The following SH3BGRL variants were observed in gnomAD, a reference collection of about 807,000 sequenced individuals.
SH3BGRL encodes the protein SH3 domain binding glutamate rich protein like.
In SH3BGRL, 7 loss-of-function variants were observed where a neutral mutation model predicts 9.8. The ratio of observed to expected loss-of-function variants is 0.72; its 90% CI spans 0.41 to 1.35. The LOEUF (loss-of-function observed/expected upper bound fraction) is 1.35. Ranked by LOEUF, SH3BGRL falls within the 40% of genes most tolerant of loss-of-function variation. The pLI is 0.01. For synonymous variants in SH3BGRL, 36 were observed against 29.1 expected, an observed-to-expected ratio of 1.24 and a Z score of -0.76; for missense variants, 73 against 84.4, an observed-to-expected ratio of 0.86 and a Z score of 0.53.
chrX:81,275,077 T>C (rs915183669), intron 1 of SH3BGRL, among the ~76,000 whole-genome samples: 17 of 111,327 alleles, frequency 1.5e-4, no homozygotes, highest in Non-Finnish European at 2.8e-4. Flanking sequence ...CTGGCGACCA[T>C]TTTAACTTAG....
chrX:81,243,927 G>T (rs1036279971), intron 1 of SH3BGRL, among the ~76,000 whole-genome samples: 8 of 111,207 alleles, frequency 7.2e-5, no homozygotes, highest in African/African-American at 2.6e-4. Context: ...AACGAAATTT[G>T]ACTCAGAGTC....
intron 3 of SH3BGRL, among the ~76,000 whole-genome samples, chrX:81,285,330 T>C (rs2075830921): frequency 9.0e-6 from 1 of 111,512 alleles, no homozygotes; most frequent in African/African-American, 3.3e-5. Flanking sequence ...AACAAAATGA[T>C]AATAGTGCTG....
chrX:81,236,538 G>C (rs1384414960), intron 1 of SH3BGRL, among the ~76,000 whole-genome samples: 2 of 111,335 alleles, frequency 1.8e-5, no homozygotes, highest in African/African-American at 3.3e-5. Flanking sequence ...TTTTATTCAT[G>C]GGTGCTCTAG....
chrX:81,289,000 G>A (rs921715089), intron 3 of SH3BGRL, among the ~76,000 whole-genome samples: 1 of 111,841 alleles, frequency 8.9e-6, no homozygotes, highest in Non-Finnish European at 1.9e-5. Context: ...AAAACTAGAG[G>A]AATCACATTA....
intron 1 of SH3BGRL, among the ~76,000 whole-genome samples, chrX:81,240,469 A>C (rs1046080107): frequency 1.8e-5 from 2 of 112,390 alleles, no homozygotes; most frequent in African/African-American, 6.5e-5. Flanking sequence ...AATAAAATTA[A>C]ATAGCGGGGC....
At chrX:81,218,962 C>G (rs185838423) in intron 1 of SH3BGRL, among the ~76,000 whole-genome samples, 2 of 109,344 alleles carry the variant, frequency 1.8e-5, no homozygotes, top group Non-Finnish European at 3.8e-5. Context: ...TTGCAGGATA[C>G]GAAATCAACA....
chrX:81,297,493 G>A lies in SH3BGRL; in HGVS notation c.*266G>A. On this transcript the variant is annotated 3_prime_UTR_variant, in exon 4 of 4. Coordinates refer to ENST00000373212, the MANE Select transcript of SH3BGRL (RefSeq NM_003022.3). ...GTGTTGTTACCTGCCAAGCCATCCTGTATACACCAATGATTTTACAAAGAA... is the reference window on the plus strand; with the variant it reads ...GTGTTGTTACCTGCCAAGCCATCCTATATACACCAATGATTTTACAAAGAA... 4.8e-6 allele frequency: 1 copy of A among 206,283 alleles called. No homozygotes were observed. The highest frequency in any genetic ancestry group is 8.8e-6 in the Non-Finnish European group (1 of 113,367). 17.0% of individuals were successfully genotyped at this position (206,283 alleles called of 1,213,427 possible).
chrX:81,258,434 CATG>C (rs1315373931), intron 1 of SH3BGRL, among the ~76,000 whole-genome samples: 11 of 112,351 alleles, frequency 9.8e-5, no homozygotes, highest in African/African-American at 3.2e-4. Flanking sequence ...GATCAAATAA[CATG>C]AACATTTCCA....
intron 3 of SH3BGRL, among the ~76,000 whole-genome samples, chrX:81,286,893 A>G (rs1183852109): frequency 9.0e-6 from 1 of 111,609 alleles, no homozygotes. Context: ...AGATAAATTC[A>G]CATATTTGAT....
chrX:81,295,094 A>T (rs781057585), intron 3 of SH3BGRL, among the ~76,000 whole-genome samples: 2 of 111,970 alleles, frequency 1.8e-5, no homozygotes, highest in Non-Finnish European at 3.8e-5. Context: ...CTTGTTTCAG[A>T]TGAGACTTCA....
intron 1 of SH3BGRL, among the ~76,000 whole-genome samples, chrX:81,262,731 G>A (rs1430474344): frequency 8.9e-6 from 1 of 112,191 alleles, no homozygotes; most frequent in Admixed American, 9.4e-5. Flanking sequence ...AACTGGGTGA[G>A]TGATATATGG....
At chrX:81,227,953 T>C (rs1004921069) in intron 1 of SH3BGRL, among the ~76,000 whole-genome samples, 13 of 111,982 alleles carry the variant, frequency 1.2e-4, no homozygotes, top group Non-Finnish European at 1.9e-4. Flanking sequence ...TCTCATATAT[T>C]GCAGTTTGTA....
At chrX:81,261,254 T>A (rs1194626675) in intron 1 of SH3BGRL, among the ~76,000 whole-genome samples, 1 of 111,463 alleles carries the variant, frequency 9.0e-6, no homozygotes, top group Non-Finnish European at 1.9e-5. Flanking sequence ...TGAATCTCAG[T>A]ATTCTAGTCT....
In SH3BGRL at chrX:81,260,360, T is replaced by C. The variant is rs2075737475; in HGVS notation, c.46-16624T>C. 2.7e-5 allele frequency among the ~76,000 whole-genome samples: 3 copies of C among 111,459 alleles called. No individual in the cohort carries two copies. The Admixed American group carries it at 2.9e-4, about 11-fold the overall frequency. The stretch of plus-strand genomic sequence containing the variant: ...TGTCTCTTTATCTATGAATTTGGAA[T>C]GAAAATAATAACAGCTGTCTCATAA... On this transcript the variant is annotated intron_variant, in intron 1 of 3. Transcript: ENST00000373212.
chrX:81,209,610 G>A (rs1461341381), intron 1 of SH3BGRL, among the ~76,000 whole-genome samples: 2 of 111,232 alleles, frequency 1.8e-5, no homozygotes, highest in Non-Finnish European at 3.8e-5. Flanking sequence ...CACATCCTCT[G>A]TTTATAGGTA....
chrX:81,259,652 G>A (rs773440892), intron 1 of SH3BGRL, among the ~76,000 whole-genome samples: 5 of 112,023 alleles, frequency 4.5e-5, no homozygotes, highest in Non-Finnish European at 9.4e-5. Context: ...GATTGTGACA[G>A]TGTGATTTGT....
chrX:81,297,298 C>A lies in SH3BGRL; in HGVS notation c.*71C>A. The stretch of plus-strand genomic sequence containing the variant: ...TGCTTTTATAAAATAGCAGAATTAG[C>A]TTTGCTTCAAAAGAAATAGGCTTAA... On this transcript the variant is annotated 3_prime_UTR_variant, in exon 4 of 4. Transcript: ENST00000373212. 1.1e-6 allele frequency: 1 copy of A among 887,811 alleles called. No homozygotes were observed. Among genetic ancestry groups the A allele is most frequent in the Non-Finnish European group, 1.6e-6 (1 of 624,371 alleles). 73.2% of individuals were successfully genotyped at this position (887,811 alleles called of 1,213,427 possible). A position where few individuals can be genotyped will look rare whatever the true frequency, so the allele number is the denominator to read the frequency against.
At chrX:81,243,051 A>G (rs2075676202) in intron 1 of SH3BGRL, among the ~76,000 whole-genome samples, 1 of 112,196 alleles carries the variant, frequency 8.9e-6, no homozygotes, top group African/African-American at 3.2e-5. Context: ...TACCCCAAAG[A>G]AAGGAAATCA....
chrX:81,276,964 T>C lies in SH3BGRL; in HGVS notation c.46-20T>C, dbSNP rs1382030962. 8.4e-7 allele frequency: 1 copy of C among 1,186,256 alleles called. No individual in the cohort carries two copies. Among genetic ancestry groups the C allele is most frequent in the Non-Finnish European group, 1.1e-6 (1 of 882,608 alleles). ...TTTTGTTGAATTTGGAAAATACGGT[T>C]TCTTGTCCTTTGGTCCTAGATTAAG... On this transcript the variant is annotated intron_variant, in intron 1 of 3. Transcript: ENST00000373212.
Sources: allele counts gnomAD v4.1 joint callset (sites outside exome capture counted in the v4.1 genomes callset), GRCh38; gene constraint gnomAD v4.1.1; transcripts MANE v1.5; gene names NCBI Gene and HGNC (gene_info 2026-07-23, HGNC 2026-07-21).